The following LY96 variants were observed in gnomAD, a reference collection of about 807,000 sequenced individuals.
LY96 encodes the protein lymphocyte antigen 96, also known as myeloid differentiation protein-2.
LY96 carries 18 observed loss-of-function variants against 18.9 expected under a neutral mutation model. The ratio of observed to expected loss-of-function variants is 0.95; its 90% CI spans 0.66 to 1.41. The LOEUF is 1.41. LY96 is among the 40% of genes most tolerant of loss of function. The pLI is 0.00. For missense variants in LY96, 175 were observed against 182.4 expected (o/e 0.96, Z 0.23); for synonymous variants, 66 against 62.6 (o/e 1.06, Z -0.26).
At chr8:74,053,105 A>G in the LY96 span, among the ~76,000 whole-genome samples, 2 of 152,148 alleles carry the variant, frequency 1.3e-5, no homozygotes, top group African/African-American at 4.8e-5. Flanking sequence ...TGTAGTCCCT[A>G]TTTCAGCAAG....
intron 3 of LY96, among the ~76,000 whole-genome samples, chr8:74,023,901 T>C (rs1816818198): frequency 6.6e-6 from 1 of 152,176 alleles, no homozygotes; most frequent in Non-Finnish European, 1.5e-5. Context: ...TAAATTGCAA[T>C]AAAAACATTA....
At chr8:74,089,678 A>G in the LY96 span, among the ~76,000 whole-genome samples, 2 of 151,038 alleles carry the variant, frequency 1.3e-5, no homozygotes, top group Non-Finnish European at 2.9e-5. Context: ...TAGTTGTAGA[A>G]GACAACGACA....
chr8:74,012,807 A>T (rs1029334222), intron 3 of LY96, among the ~76,000 whole-genome samples: 4 of 152,038 alleles, frequency 2.6e-5, no homozygotes, highest in Admixed American at 2.6e-4. Context: ...TTTACATATA[A>T]TTTTTTTGTA....
the LY96 span, among the ~76,000 whole-genome samples, chr8:74,069,492 G>T: frequency 1.3e-5 from 2 of 152,174 alleles, no homozygotes; most frequent in Non-Finnish European, 2.9e-5. Context: ...AATATGTGTT[G>T]TTTCCATAGC....
chr8:74,030,101 C>T (rs1389301955), downstream of LY96, among the ~76,000 whole-genome samples: 1 of 152,204 alleles, frequency 6.6e-6, no homozygotes, highest in Non-Finnish European at 1.5e-5. Context: ...TTGAGGACTG[C>T]ATCCTGGGAG....
the LY96 span, among the ~76,000 whole-genome samples, chr8:74,055,636 T>A: frequency 6.6e-6 from 1 of 152,172 alleles, no homozygotes. Context: ...GACTTTGCAG[T>A]TATAATCAAG....
At chr8:74,012,417 C>A (rs1244114448) in intron 3 of LY96, among the ~76,000 whole-genome samples, 2 of 152,160 alleles carry the variant, frequency 1.3e-5, no homozygotes, top group Non-Finnish European at 2.9e-5. Context: ...ATTATCTTAA[C>A]TGAAACAAAC....
chr8:74,021,046 C>T (rs1816747591), intron 3 of LY96, among the ~76,000 whole-genome samples: 1 of 152,132 alleles, frequency 6.6e-6, no homozygotes, highest in Admixed American at 6.5e-5. Context: ...AAAGCAATGG[C>T]AACAAAAGCC....
chr8:74,002,355 A>G (rs1052751141), intron 1 of LY96, among the ~76,000 whole-genome samples: 1 of 151,516 alleles, frequency 6.6e-6, no homozygotes, highest in Non-Finnish European at 1.5e-5. Flanking sequence ...TAATGCATAT[A>G]TGGTTCTGGT....
chr8:74,050,019 T>A, the LY96 span, among the ~76,000 whole-genome samples: 3 of 150,546 alleles, frequency 2.0e-5, no homozygotes, highest in South Asian at 2.1e-4. Context: ...CTCCATTTTT[T>A]AAATAAATAA....
intron 3 of LY96, among the ~76,000 whole-genome samples, chr8:74,021,152 A>G (rs1306027246): frequency 1.3e-5 from 2 of 152,226 alleles, no homozygotes; most frequent in African/African-American, 4.8e-5. Flanking sequence ...AATGGGAGAA[A>G]ATTTTTACAA....
chr8:74,062,254 G>T, the LY96 span, among the ~76,000 whole-genome samples: 1 of 151,904 alleles, frequency 6.6e-6, no homozygotes, highest in Non-Finnish European at 1.5e-5. Context: ...TTTATTTTTA[G>T]TTCTGGGGTA....
the LY96 span, among the ~76,000 whole-genome samples, chr8:74,094,703 T>C: frequency 1.3e-5 from 2 of 152,200 alleles, no homozygotes; most frequent in African/African-American, 4.8e-5. Flanking sequence ...TATAATGTCT[T>C]AGGTGCTTTC....
At chr8:74,036,172 GGAT>G in the LY96 span, among the ~76,000 whole-genome samples, 1 of 152,190 alleles carries the variant, frequency 6.6e-6, no homozygotes, top group African/African-American at 2.4e-5. Context: ...TTTGAAGTAA[GGAT>G]GATAATAGTC....
chr8:74,048,848 GAGAA>G, the LY96 span: 7 of 151,148 alleles, frequency 4.6e-5, no homozygotes, highest in African/African-American at 7.3e-5. Context: ...AGAAGAAAAG[GAGAA>G]AGAAAGAAAA....
chr8:74,051,935 T>C, the LY96 span, among the ~76,000 whole-genome samples: 1 of 152,172 alleles, frequency 6.6e-6, no homozygotes, highest in African/African-American at 2.4e-5. Flanking sequence ...TTCAAATTAT[T>C]GAATTTTCAA....
At chr8:73,991,598 T>C in intron 1 of LY96, 44 bp downstream of exon 1, 4 of 1,151,548 alleles carry the variant, frequency 3.5e-6, no homozygotes, top group Non-Finnish European at 5.3e-6. Flanking sequence ...TCAACTATTT[T>C]GAGGGTAAGT....
At chr8:74,011,498 A>C (rs2131269686) in intron 3 of LY96, among the ~76,000 whole-genome samples, 1 of 152,346 alleles carries the variant, frequency 6.6e-6, no homozygotes, top group African/African-American at 2.4e-5. Context: ...ACAGGGGACT[A>C]ATATTCAGAA....
intron 3 of LY96, 111 bp from the exon 4 acceptor site, chr8:74,026,678 T>G: frequency 1.5e-6 from 1 of 687,728 alleles, no homozygotes; most frequent in Middle Eastern, 2.6e-4. Context: ...TTTTCTACAG[T>G]TTTGCTTGGG....
Sources: allele counts gnomAD v4.1 joint callset (sites outside exome capture counted in the v4.1 genomes callset), GRCh38; gene constraint gnomAD v4.1.1; transcripts MANE v1.5; gene names NCBI Gene and HGNC (gene_info 2026-07-23, HGNC 2026-07-21).